The following SNAP25 variants were observed in gnomAD, a reference collection of about 807,000 sequenced individuals.
SNAP25 encodes the protein synaptosome associated protein 25.
In SNAP25, 3 loss-of-function variants were observed where a neutral mutation model predicts 28.7. The observed-to-expected ratio is 0.10, with a 90% CI of 0.05 to 0.27. The LOEUF (loss-of-function observed/expected upper bound fraction) is 0.27. Ranked by LOEUF, SNAP25 falls within the 10% of genes least tolerant of loss-of-function variation. SNAP25 has a pLI of 1.00. For missense variants in SNAP25, 117 were observed against 278.7 expected (o/e 0.42, Z 4.13); for synonymous variants, 61 against 88.1 (o/e 0.69, Z 1.72).
chr20:10,286,743 G>A (rs1282090000), intron 4 of SNAP25, among the ~76,000 whole-genome samples: 1 of 151,950 alleles, frequency 6.6e-6, no homozygotes, highest in Non-Finnish European at 1.5e-5. Context: ...GGAGAAAAAA[G>A]TTTGAAAAAA....
chr20:10,254,789 A>G (rs2063291720), intron 1 of SNAP25, among the ~76,000 whole-genome samples: 1 of 152,194 alleles, frequency 6.6e-6, no homozygotes, highest in African/African-American at 2.4e-5. Context: ...CTGGAGACGC[A>G]TACCTGCCTC....
intron 1 of SNAP25, among the ~76,000 whole-genome samples, chr20:10,220,105 G>A (rs994098756): frequency 1.3e-5 from 2 of 152,172 alleles, no homozygotes; most frequent in Non-Finnish European, 2.9e-5. Flanking sequence ...CTGTATATAT[G>A]AAGAAGCCAA....
intron 1 of SNAP25, among the ~76,000 whole-genome samples, chr20:10,232,216 A>G (rs994861133): frequency 2.0e-5 from 3 of 152,204 alleles, no homozygotes; most frequent in Admixed American, 6.5e-5. Flanking sequence ...TACTCTCTGG[A>G]CTTCCACTAT....
At chr20:10,232,327 G>T (rs1024902687) in intron 1 of SNAP25, among the ~76,000 whole-genome samples, 5 of 152,208 alleles carry the variant, frequency 3.3e-5, no homozygotes, top group Non-Finnish European at 7.3e-5. Flanking sequence ...TCAATTGTGG[G>T]TGTGGAGTGG....
At chr20:10,296,058 G>T (rs2064102410) in intron 5 of SNAP25, among the ~76,000 whole-genome samples, 1 of 152,210 alleles carries the variant, frequency 6.6e-6, no homozygotes, top group Non-Finnish European at 1.5e-5. Context: ...TGTCCTGCTA[G>T]TGCCTTTTTC....
intron 3 of SNAP25, among the ~76,000 whole-genome samples, chr20:10,281,366 A>G (rs1286044161): frequency 6.6e-6 from 1 of 152,210 alleles, no homozygotes; most frequent in Non-Finnish European, 1.5e-5. Context: ...CACAAAAGCA[A>G]CCTAGTTATT....
intron 1 of SNAP25, among the ~76,000 whole-genome samples, chr20:10,236,820 C>T (rs1363677438): frequency 6.6e-6 from 1 of 152,182 alleles, no homozygotes; most frequent in African/African-American, 2.4e-5. Flanking sequence ...TTCCATAGGG[C>T]ATTCTGATAC....
chr20:10,242,714 C>T (rs2063056669), intron 1 of SNAP25, among the ~76,000 whole-genome samples: 2 of 152,210 alleles, frequency 1.3e-5, no homozygotes, highest in Admixed American at 6.5e-5. Context: ...AGATGCTCTC[C>T]AAATAGTCAG....
intron 1 of SNAP25, among the ~76,000 whole-genome samples, chr20:10,247,887 A>G (rs892562657): frequency 3.3e-5 from 5 of 152,196 alleles, no homozygotes; most frequent in Non-Finnish European, 5.9e-5. Context: ...TCATGATTCC[A>G]TAAGTCAGCA....
intron 4 of SNAP25, among the ~76,000 whole-genome samples, chr20:10,287,419 C>T (rs1420480364): frequency 7.2e-5 from 11 of 151,850 alleles, no homozygotes; most frequent in Non-Finnish European, 1.3e-4. Flanking sequence ...TGCTCACCAT[C>T]ACTGGCTATC....
intron 4 of SNAP25, among the ~76,000 whole-genome samples, chr20:10,289,079 C>T (rs1185557784): frequency 2.0e-5 from 3 of 152,174 alleles, no homozygotes; most frequent in East Asian, 3.8e-4. Flanking sequence ...TTCTAAAGAA[C>T]CATCTCAACC....
intron 1 of SNAP25, among the ~76,000 whole-genome samples, chr20:10,252,189 A>G (rs928538848): frequency 4.6e-5 from 7 of 152,348 alleles, no homozygotes; most frequent in Non-Finnish European, 8.8e-5. Context: ...TGAATATCAC[A>G]TGAATGTATA....
intron 1 of SNAP25, among the ~76,000 whole-genome samples, chr20:10,239,122 C>T (rs562981198): frequency 4.0e-4 from 61 of 152,106 alleles, no homozygotes; most frequent in Non-Finnish European, 7.5e-4. Flanking sequence ...TACACTGGTT[C>T]CAAATGGAGC....
chr20:10,235,701 G>T (rs2062906288), intron 1 of SNAP25, among the ~76,000 whole-genome samples: 1 of 152,222 alleles, frequency 6.6e-6, no homozygotes, highest in African/African-American at 2.4e-5. Context: ...TAGTTCTTCA[G>T]TCAATTGGTA....
chr20:10,277,498 T>TCA (rs2063710852), intron 2 of SNAP25, among the ~76,000 whole-genome samples, 187 bp from the exon 3 acceptor site: 3 of 152,192 alleles, frequency 2.0e-5, no homozygotes, highest in Non-Finnish European at 4.4e-5. Context: ...GGGAATCTGA[T>TCA]CATGTAAAAA....
At chr20:10,265,400 G>T (rs2063490069) in intron 1 of SNAP25, among the ~76,000 whole-genome samples, 1 of 152,170 alleles carries the variant, frequency 6.6e-6, no homozygotes, top group African/African-American at 2.4e-5. Flanking sequence ...TTTGCAGAGG[G>T]AGAAGAATAA....
chr20:10,291,495 G>C (rs2063997791), intron 4 of SNAP25, among the ~76,000 whole-genome samples: 1 of 152,072 alleles, frequency 6.6e-6, no homozygotes, highest in Non-Finnish European at 1.5e-5. Context: ...ATGAAATTTT[G>C]TTTTCACCTG....
At chr20:10,266,391 G>A (rs2086777789) in intron 1 of SNAP25, among the ~76,000 whole-genome samples, 1 of 152,174 alleles carries the variant, frequency 6.6e-6, no homozygotes, top group Admixed American at 6.5e-5. Flanking sequence ...TTACAGTCAG[G>A]GAAAGAGATT....
intron 1 of SNAP25, among the ~76,000 whole-genome samples, chr20:10,255,087 A>T (rs1163426338): frequency 6.6e-6 from 1 of 152,224 alleles, no homozygotes; most frequent in Admixed American, 6.5e-5. Context: ...AGGGCAGCCC[A>T]TAGCCTAGAC....
Sources: gnomAD v4.1 joint callset for allele counts (sites outside exome capture counted in the v4.1 genomes callset) on GRCh38, gnomAD v4.1.1 for gene constraint, MANE v1.5 for transcripts, NCBI Gene and HGNC (gene_info 2026-07-23, HGNC 2026-07-21) for gene names.